The following NUP54 variants were observed in gnomAD, a reference collection of about 807,000 sequenced individuals.
The protein encoded by NUP54 is nucleoporin 54, also known as nucleoporin p54.
NUP54 carries 27 observed loss-of-function variants against 66.4 expected under a neutral mutation model. The observed-to-expected ratio is 0.41, with a 90% CI of 0.30 to 0.56. The LOEUF (loss-of-function observed/expected upper bound fraction) is 0.56, where lower values mean the gene tolerates loss of function less well. Ranked by LOEUF, NUP54 falls within the 20% of genes least tolerant of loss-of-function variation. The pLI, the probability that NUP54 is intolerant of heterozygous loss-of-function variation, is 0.34. For missense variants in NUP54, 486 were observed against 596.3 expected (o/e 0.82, Z 1.93); for synonymous variants, 206 against 210.7 (o/e 0.98, Z 0.19).
intron 11 of NUP54, among the ~76,000 whole-genome samples, chr4:76,117,078 C>T (rs2109849013): frequency 6.6e-6 from 1 of 152,174 alleles, no homozygotes; most frequent in East Asian, 1.9e-4. Flanking sequence ...CAGTTAAGTT[C>T]CTCCCATCCC....
chr4:76,118,395 GT>G (rs199941725), intron 9 of NUP54: 40 of 531,406 alleles, frequency 7.5e-5, no homozygotes, highest in East Asian at 3.1e-4. Flanking sequence ...AGACTTAATT[GT>G]TTTTTTTGAG....
intron 2 of NUP54, 35 bp from the exon 3 acceptor site, chr4:76,144,327 A>T (rs1186029951): frequency 1.7e-6 from 2 of 1,169,974 alleles, no homozygotes; most frequent in Non-Finnish European, 2.3e-6. Flanking sequence ...GTAAGTTAAA[A>T]AAAAAAAAAA....
intron 8 of NUP54, among the ~76,000 whole-genome samples, chr4:76,130,183 A>T (rs58305323): frequency 0.13 from 19,923 of 151,624 alleles, 1,537 homozygotes; most frequent in East Asian, 0.35. Context: ...GGTTTTGCCA[A>T]GTCGGCCAGG....
intron 3 of NUP54, among the ~76,000 whole-genome samples, chr4:76,142,069 CA>C (rs1251512634): frequency 6.6e-6 from 1 of 152,054 alleles, no homozygotes; most frequent in Non-Finnish European, 1.5e-5. Flanking sequence ...ATGGATATTA[CA>C]TAACAAAATG....
At chr4:76,145,634 GT>G in intron 1 of NUP54, 1 of 1,148,258 alleles carries the variant, frequency 8.7e-7, no homozygotes, top group Non-Finnish European at 1.1e-6. Context: ...AAATTGTTTT[GT>G]TATTTTTGTA....
chr4:76,117,933 G>T, intron 10 of NUP54, 142 bp downstream of exon 10: 1 of 1,021,718 alleles, frequency 9.8e-7, no homozygotes. Context: ...AAAGAACCAT[G>T]ACTGAGTTTA....
intron 9 of NUP54, among the ~76,000 whole-genome samples, chr4:76,122,546 A>C (rs972956364): frequency 6.6e-6 from 1 of 152,226 alleles, no homozygotes; most frequent in East Asian, 1.9e-4. Flanking sequence ...TTCACTTAGC[A>C]TAATTTGCAT....
At position 76,132,670 on chromosome 4, in the gene NUP54, T is replaced by C. The variant is rs1560685383; in HGVS notation, c.760A>G (p.Arg254Gly). Reference protein sequence around the residue: ...VVERSPNGTSRRVPATTLYAH... With the variant: ...VVERSPNGTSGRVPATTLYAH... ...TATAGCGTTGTAGCTGGAACTCTTCTTGAAGTACCATTTGGCGAACGCTCA... is the reference window on the plus strand; with the variant it reads ...TATAGCGTTGTAGCTGGAACTCTTCCTGAAGTACCATTTGGCGAACGCTCA... Residue 254 changes from arginine (R) to glycine (G), a missense_variant, in exon 6 of 12, where the codon AGA becomes GGA. By Grantham distance (125) the Arg-to-Gly change is moderately radical (BLOSUM62 -2). This residue lies in a region of NUP54 where 217 missense variants were observed against 247.9 expected (regional missense o/e 0.88). Transcript: ENST00000264883. 1 of 1,613,928 alleles carries C rather than the reference T, an allele frequency of 6.2e-7. No homozygotes were observed.
chr4:76,129,852 G>A (rs1730705801), intron 8 of NUP54, among the ~76,000 whole-genome samples: 2 of 95,256 alleles, frequency 2.1e-5, no homozygotes, highest in South Asian at 4.4e-4. Flanking sequence ...GCGACAGAGC[G>A]AGAGACGTCT....
intron 8 of NUP54, among the ~76,000 whole-genome samples, chr4:76,129,426 T>C (rs1049837152): frequency 2.0e-5 from 3 of 152,156 alleles, no homozygotes; most frequent in African/African-American, 7.2e-5. Context: ...TCAAATCTCT[T>C]CTCAAACTAG....
At chr4:76,130,874 G>T in intron 7 of NUP54, 125 bp from the exon 8 acceptor site, 1 of 671,538 alleles carries the variant, frequency 1.5e-6, no homozygotes, top group Non-Finnish European at 2.6e-6. Context: ...GCAGATCTAT[G>T]ACTATGAGAT....
chr4:76,124,616 A>AC (rs1436883799), intron 9 of NUP54, 33 bp downstream of exon 9: 2 of 957,792 alleles, frequency 2.1e-6, no homozygotes, highest in Non-Finnish European at 3.4e-6. Flanking sequence ...ACATAGTCTT[A>AC]TAAACACTGG....
Position 76,148,030 on chromosome 4 carries a change from A to C in NUP54, c.67+278T>G, listed in dbSNP as rs1578702068. 6 of 408,650 alleles carry C rather than the reference A, an allele frequency of 1.5e-5. No individual in the cohort carries two copies. In the East Asian group the frequency reaches 2.2e-4, roughly 15 times the overall value. The allele number at this position is 408,650 out of a possible 1,614,324, so 25.3% of individuals were successfully genotyped here. On this transcript the variant is annotated intron_variant, in intron 1 of 11. Transcript: ENST00000264883. Reference sequence around the variant, plus strand: ...AGGGAAGCAACCTCCAATTTCTCTGAGTAGGACTCCCCGGCAGCGGGAAGC... The same window carrying C: ...AGGGAAGCAACCTCCAATTTCTCTGCGTAGGACTCCCCGGCAGCGGGAAGC...
intron 9 of NUP54, 184 bp from the exon 10 acceptor site, chr4:76,118,378 A>C (rs62299341): frequency 0.15 from 87,724 of 585,732 alleles, 7,499 homozygotes; most frequent in East Asian, 0.35. Flanking sequence ...TATAAATACA[A>C]TGATATAGAC....
chr4:76,115,592 A>T (rs1578659145), intron 11 of NUP54, 98 bp from the exon 12 acceptor site: 2 of 833,912 alleles, frequency 2.4e-6, no homozygotes, highest in East Asian at 5.8e-5. Flanking sequence ...TTTTACTAGC[A>T]ACACAGTACC....
At chr4:76,139,670 G>A (rs1206368777) in intron 3 of NUP54, among the ~76,000 whole-genome samples, 1 of 152,146 alleles carries the variant, frequency 6.6e-6, no homozygotes, top group African/African-American at 2.4e-5. Flanking sequence ...GTATTAGATA[G>A]TACCAAGGAA....
chr4:76,145,317 CAA>C (rs58518890), intron 1 of NUP54, among the ~76,000 whole-genome samples: 8,821 of 101,398 alleles, frequency 0.087, 283 homozygotes, highest in South Asian at 0.24. Context: ...GACTCCGTCT[CAA>C]AAAAAAAAAA....
chr4:76,128,982 C>T (rs1730661521), intron 8 of NUP54, among the ~76,000 whole-genome samples: 1 of 152,108 alleles, frequency 6.6e-6, no homozygotes, highest in African/African-American at 2.4e-5. Context: ...TACAAAAGTA[C>T]AGCTGGATAG....
intron 3 of NUP54, among the ~76,000 whole-genome samples, chr4:76,138,957 A>G (rs908521583): frequency 7.2e-5 from 11 of 151,964 alleles, no homozygotes; most frequent in African/African-American, 2.4e-4. Flanking sequence ...AGTAAAGATC[A>G]AATTTTTTTT....
Sources: gnomAD v4.1 joint callset for allele counts (sites outside exome capture counted in the v4.1 genomes callset) on GRCh38, gnomAD v4.1.1 for gene constraint, gnomAD v4.1.1 regional missense constraint, MANE v1.5 for transcripts, NCBI Gene and HGNC (gene_info 2026-07-23, HGNC 2026-07-21) for gene names.